RHD: variants seen among roughly 807,000 people sequenced by gnomAD.
RHD encodes the protein Rh blood group D antigen.
RHD carries 16 observed loss-of-function variants against 45.5 expected under a neutral mutation model. The observed-to-expected ratio is 0.35, with a 90% CI of 0.24 to 0.53. The LOEUF (loss-of-function observed/expected upper bound fraction) is 0.53, where lower values mean the gene tolerates loss of function less well. RHD is among the 20% of genes least tolerant of loss of function. The pLI is 0.92. For synonymous variants in RHD, 131 were observed against 217.5 expected (o/e 0.60, Z 3.50); for missense variants, 306 against 532.0 (o/e 0.58, Z 4.18).
At chr1:25,303,184 G>T in intron 5 of RHD, 138 bp from the exon 6 acceptor site, 1 of 984,920 alleles carries the variant, frequency 1.0e-6, no homozygotes, top group Non-Finnish European at 1.6e-6. Context: ...CCCCAACACA[G>T]GGGAGAAGTG....
chr1:25,299,072 TAAAAAAAA>T (rs34867414), intron 3 of RHD, among the ~76,000 whole-genome samples: 1,313 of 40,884 alleles, frequency 0.032, 152 homozygotes, highest in African/African-American at 0.093. Flanking sequence ...CACATGGTGA[TAAAAAAAA>T]AAAAAAAAAA....
Position 25,301,787 on chromosome 1 carries a change from G to A in RHD, c.801+101G>A, listed in dbSNP as rs184775001. 8.8e-4 allele frequency: 798 copies of A among 904,998 alleles called. 129 individuals carry two copies. The highest frequency in any genetic ancestry group is 5.6e-3 in the Admixed American group (300 of 53,252). 56.1% of individuals were successfully genotyped at this position (904,998 alleles called of 1,614,324 possible). On this transcript the variant is annotated intron_variant, in intron 5 of 9. Transcript: ENST00000328664. ...CAGGGCCAGCGTGGGTTGGGAGAGGGCATGCCGGGTGGTGGAGCTGTGCCT... is the reference window on the plus strand; with the variant it reads ...CAGGGCCAGCGTGGGTTGGGAGAGGACATGCCGGGTGGTGGAGCTGTGCCT...
rs142484009 is a variant in RHD at position 25,303,365 on chromosome 1, G to A, written c.845G>A (p.Gly282Asp). The change falls in exon 6 of 10, where the codon GGT (glycine) becomes GAT (aspartate). Residue 282 changes from glycine to aspartate, a missense_variant. By Grantham distance (94) the Gly-to-Asp change is moderately conservative (BLOSUM62 -1). Coordinates refer to ENST00000328664, the MANE Select transcript of RHD (RefSeq NM_016124.6). ...SAVLAGGVAV[G>D]TSCHLIPSPW... ...GTGTTGGCAGGAGGCGTGGCTGTGG[G>A]TACCTCGTGTCACCTGATCCCTTCT... 3.2e-5 allele frequency: 44 copies of A among 1,374,164 alleles called. 11 individuals are homozygous for A. The Middle Eastern group carries it at 7.4e-4, about 23-fold the overall frequency. The allele number at this position is 1,374,164 out of a possible 1,614,324, so 85.1% of individuals were successfully genotyped here.
rs552394749 is a variant in RHD at position 25,330,124 on chromosome 1, C to T, written c.*1200C>T. On this transcript the variant is annotated 3_prime_UTR_variant, in exon 10 of 10. Transcript: ENST00000328664. ...TTAAATGCTCTTCTGAAGGCTGATA[C>T]GACAGCTCTCTGTGCACTGATTGCA... is the stretch of plus-strand genomic sequence containing the variant. 7.5e-6 allele frequency: 1 copy of T among 132,512 alleles called. No homozygotes were observed. The highest frequency in any genetic ancestry group is 2.3e-4 in the South Asian group (1 of 4,340). The allele number at this position is 132,512 out of a possible 1,614,324, so 8.2% of individuals were successfully genotyped here. A position where few individuals can be genotyped will look rare whatever the true frequency, so the allele number is the denominator to read the frequency against.
chr1:25,303,754 C>T lies in RHD; in HGVS notation c.939+295C>T, dbSNP rs112222730. Reference sequence around the variant, plus strand: ...GGGACTGGAGTGTTGTGGGGAGCCCCGAAGCCCCTGTTTTACTTCTTTCTT... The same window carrying T: ...GGGACTGGAGTGTTGTGGGGAGCCCTGAAGCCCCTGTTTTACTTCTTTCTT... On this transcript the variant is annotated intron_variant, in intron 6 of 9. Coordinates refer to ENST00000328664, the MANE Select transcript of RHD (RefSeq NM_016124.6). Among the ~76,000 whole-genome samples, 2 of 130,652 alleles carry T rather than the reference C, an allele frequency of 1.5e-5. 1 individual carries two copies. Among genetic ancestry groups the T allele is most frequent in the Non-Finnish European group, 3.6e-5 (2 of 55,310 alleles). The allele number at this position is 130,652 out of a possible 152,430, so 85.7% of individuals were successfully genotyped here. A position where few individuals can be genotyped will look rare whatever the true frequency, so the allele number is the denominator to read the frequency against.
At chr1:25,285,671 G>A (rs1330139374) in intron 2 of RHD, among the ~76,000 whole-genome samples, 5 of 135,304 alleles carry the variant, frequency 3.7e-5, no homozygotes, top group African/African-American at 7.6e-5. Flanking sequence ...TGCAGAAAAT[G>A]TTCTCTATGT....
intron 8 of RHD, among the ~76,000 whole-genome samples, chr1:25,321,279 C>A (rs1644683402): frequency 8.1e-6 from 1 of 123,322 alleles, no homozygotes; most frequent in Non-Finnish European, 1.9e-5. Context: ...TTTACTCCAT[C>A]TGGGGAAGGG....
chr1:25,305,586 G>C (rs1643753411), intron 6 of RHD, among the ~76,000 whole-genome samples: 1 of 105,770 alleles, frequency 9.5e-6, no homozygotes. Flanking sequence ...TATGTATTTT[G>C]TTGTTGTTGT....
In RHD at chr1:25,320,149, T is replaced by C. The variant is rs1265809182; in HGVS notation, c.1154-1740T>C. On this transcript the variant is annotated intron_variant, in intron 8 of 9. Transcript: ENST00000328664. ...CTGACCTCAGGTGATCCGCCCACCT[T>C]GGCCTCCCAAAGTGCTGGGATTACA... Among the ~76,000 whole-genome samples the C allele has an allele frequency of 2.1e-4, 28 of 131,514 alleles. 9 individuals carry two copies. Among genetic ancestry groups the C allele is most frequent in the Non-Finnish European group, 4.0e-4 (22 of 55,518 alleles). The allele number at this position is 131,514 out of a possible 152,430, so 86.3% of individuals were successfully genotyped here. A position where few individuals can be genotyped will look rare whatever the true frequency, so the allele number is the denominator to read the frequency against.
intron 1 of RHD, among the ~76,000 whole-genome samples, chr1:25,283,520 A>C (rs1184119514): frequency 8.0e-6 from 1 of 125,114 alleles, no homozygotes; most frequent in African/African-American, 2.9e-5. Context: ...GACGAGTGAA[A>C]CTCTATCTCG....
chr1:25,308,021 A>G lies in RHD; in HGVS notation c.1073+1292A>G, dbSNP rs1443563833. Among the ~76,000 whole-genome samples, 2 of 51,978 alleles carry G rather than the reference A, an allele frequency of 3.8e-5. 1 individual carries two copies. Among genetic ancestry groups the G allele is most frequent in the Non-Finnish European group, 1.1e-4 (2 of 18,392 alleles). 34.1% of individuals were successfully genotyped at this position (51,978 alleles called of 152,430 possible). ...TCCTACTCACATGCCTGTAGAGAAC[A>G]GGCAGGGGAAGTTAGAAAAAAAAAA... is the stretch of plus-strand genomic sequence containing the variant. On this transcript the variant is annotated intron_variant, in intron 7 of 9. Transcript: ENST00000328664.
chr1:25,315,797 T>A (rs1644412140), intron 7 of RHD, among the ~76,000 whole-genome samples: 2 of 130,504 alleles, frequency 1.5e-5, no homozygotes, highest in Admixed American at 1.5e-4. Context: ...CACCCGGCCT[T>A]AATTTATTTT....
At chr1:25,289,297 C>A (rs1350153559) in intron 2 of RHD, among the ~76,000 whole-genome samples, 1 of 130,670 alleles carries the variant, frequency 7.7e-6, no homozygotes, top group Non-Finnish European at 1.8e-5. Context: ...CGGGTTCAAG[C>A]GACTGCCATG....
chr1:25,312,639 A>G (rs1274073686), intron 7 of RHD, among the ~76,000 whole-genome samples: 1 of 128,502 alleles, frequency 7.8e-6, no homozygotes, highest in Non-Finnish European at 1.8e-5. Flanking sequence ...AATTCTAGCT[A>G]CTCAGGAGGC....
chr1:25,272,642 C>T lies in RHD; in HGVS notation c.95C>T (p.Thr32Ile), dbSNP rs764093565. ...AALILLFYFF[T>I]HYDASLEDQK... ...CTCATTCTCCTCTTCTATTTTTTTA[C>T]CCACTATGACGCTTCCTTAGAGGAT... Residue 32 changes from threonine (T) to isoleucine (I), a missense_variant, in exon 1 of 10, where the codon ACC (threonine) becomes ATC (isoleucine). Coordinates refer to ENST00000328664, the MANE Select transcript of RHD (RefSeq NM_016124.6). 4 of 1,571,020 alleles carry T rather than the reference C, an allele frequency of 2.5e-6. No individual in the cohort carries two copies. The African/African-American group carries it at 4.1e-5, about 16-fold the overall frequency.
At chr1:25,316,412 G>C (rs1644439141) in intron 7 of RHD, among the ~76,000 whole-genome samples, 1 of 128,878 alleles carries the variant, frequency 7.8e-6, no homozygotes, top group South Asian at 2.4e-4. Context: ...TTGAGGTCAG[G>C]AGTTCGAGAT....
At position 25,290,129 on chromosome 1, in the gene RHD, G is replaced by T. The variant is rs1404239113; in HGVS notation, c.336-512G>T. 3.9e-5 allele frequency among the ~76,000 whole-genome samples: 5 copies of T among 128,652 alleles called. 1 individual carries two copies. The highest frequency in any genetic ancestry group is 3.7e-3 in the Middle Eastern group (1 of 270). The allele number at this position is 128,652 out of a possible 152,430, so 84.4% of individuals were successfully genotyped here. Reference sequence around the variant, plus strand: ...AAGGCTGGGACTGGAAGCCGGGCTTGTCCTGATTCCAAATCCAGTTTCTTT... The same window carrying T: ...AAGGCTGGGACTGGAAGCCGGGCTTTTCCTGATTCCAAATCCAGTTTCTTT... On this transcript the variant is annotated intron_variant, in intron 2 of 9. Transcript: ENST00000328664.
intron 3 of RHD, among the ~76,000 whole-genome samples, chr1:25,296,611 C>T (rs1642979903): frequency 7.6e-6 from 1 of 131,312 alleles, no homozygotes; most frequent in Non-Finnish European, 1.8e-5. Context: ...ATTGTAATCC[C>T]CACGTGTTGA....
At chr1:25,301,347 G>A (rs1240135700) in intron 4 of RHD, among the ~76,000 whole-genome samples, 173 bp from the exon 5 acceptor site, 1 of 130,258 alleles carries the variant, frequency 7.7e-6, no homozygotes, top group African/African-American at 2.7e-5. Flanking sequence ...TCTGTAAAAT[G>A]TGGTTAGCTG....
Sources: gnomAD v4.1 joint callset for allele counts (sites outside exome capture counted in the v4.1 genomes callset) on GRCh38, gnomAD v4.1.1 for gene constraint, MANE v1.5 for transcripts, NCBI Gene and HGNC (gene_info 2026-07-23, HGNC 2026-07-21) for gene names.